The following LMLN variants were observed in gnomAD, a reference collection of about 807,000 sequenced individuals.
LMLN encodes leishmanolysin-like peptidase.
In LMLN, 70 loss-of-function variants were observed where a neutral mutation model predicts 92.3. The ratio of observed to expected loss-of-function variants is 0.76; its 90% CI spans 0.63 to 0.92. The LOEUF is 0.92. Among genes scored for constraint, LMLN ranks in the 40% least tolerant of loss-of-function variants. LMLN has a pLI of 0.00. For missense variants in LMLN, 691 were observed against 814.6 expected (o/e 0.85, Z 1.85); for synonymous variants, 308 against 296.2 (o/e 1.04, Z -0.41).
Position 197,982,485 on chromosome 3 carries a change from C to A in LMLN, c.729-1458C>A, listed in dbSNP as rs562001430. The stretch of plus-strand genomic sequence containing the variant: ...TGGTGATCCACCTGCCTTGGCCTCC[C>A]AAAGTGCTGGGATGACAGGCATGAG... On this transcript the variant is annotated intron_variant, in intron 6 of 15. Transcript: ENST00000330198. Among the ~76,000 whole-genome samples, 39 of 152,248 alleles carry A rather than the reference C, an allele frequency of 2.6e-4. No individual in the cohort carries two copies. In the South Asian group the frequency reaches 6.4e-3, roughly 25 times the overall value.
chr3:198,038,852 C>A (rs557380137), exon 16 of LMLN: 9 of 502,170 alleles, frequency 1.8e-5, no homozygotes, highest in African/African-American at 1.8e-4. Flanking sequence ...ATCAGCAACC[C>A]AACCACCTTC....
intron 11 of LMLN, among the ~76,000 whole-genome samples, chr3:198,007,944 G>A (rs1722336126): frequency 6.6e-6 from 1 of 152,166 alleles, no homozygotes; most frequent in African/African-American, 2.4e-5. Context: ...ATCATGAATG[G>A]ATATTGCCTT....
At chr3:197,990,384 T>A (rs929745229) in intron 8 of LMLN, among the ~76,000 whole-genome samples, 175 bp from the exon 9 acceptor site, 2 of 152,096 alleles carry the variant, frequency 1.3e-5, no homozygotes, top group South Asian at 4.1e-4. Flanking sequence ...TTTAAAAAAA[T>A]GTAGAAAGGA....
In LMLN at chr3:198,034,313, A is replaced by G. The variant is rs143464910; in HGVS notation, c.1657-1520A>G. Among the ~76,000 whole-genome samples the G allele has an allele frequency of 2.2e-3, 331 of 152,332 alleles. 1 individual carries two copies. The highest frequency in any genetic ancestry group is 3.4e-3 in the Admixed American group (52 of 15,302). On this transcript the variant is annotated intron_variant, in intron 14 of 15. Transcript: ENST00000330198. ...AAACAACTTTGAGGTTTTTTTTAAA[A>G]TAGTTAAAATTTTTGGCTGGGTGCG...
At chr3:198,013,425 C>T (rs1447271262) in intron 11 of LMLN, among the ~76,000 whole-genome samples, 14 of 105,596 alleles carry the variant, frequency 1.3e-4, no homozygotes, top group African/African-American at 4.6e-4. Flanking sequence ...GACTTCTCTC[C>T]ACCCTTCAGA....
chr3:198,016,530 G>A (rs1038575369), intron 11 of LMLN, among the ~76,000 whole-genome samples: 4 of 152,228 alleles, frequency 2.6e-5, no homozygotes, highest in Non-Finnish European at 4.4e-5. Context: ...GTGTGAGTTT[G>A]TTTTAATAAA....
At chr3:197,989,407 A>G (rs1357660059) in intron 8 of LMLN, among the ~76,000 whole-genome samples, 2 of 152,112 alleles carry the variant, frequency 1.3e-5, no homozygotes, top group Non-Finnish European at 2.9e-5. Context: ...ACTTTCTGGA[A>G]TTTATTTTTG....
At chr3:197,988,929 C>T (rs1721789405) in intron 8 of LMLN, among the ~76,000 whole-genome samples, 1 of 152,160 alleles carries the variant, frequency 6.6e-6, no homozygotes, top group Non-Finnish European at 1.5e-5. Context: ...GTGATTCGCC[C>T]ATCTCGGCCT....
At chr3:197,985,126 C>G (rs979223974) in intron 7 of LMLN, among the ~76,000 whole-genome samples, 3 of 152,066 alleles carry the variant, frequency 2.0e-5, no homozygotes, top group African/African-American at 7.2e-5. Context: ...GTTTATCTTC[C>G]CAGTAATTTT....
intron 14 of LMLN, among the ~76,000 whole-genome samples, chr3:198,033,803 C>T (rs901514743): frequency 1.1e-4 from 17 of 152,212 alleles, no homozygotes; most frequent in African/African-American, 3.4e-4. Context: ...GCGCCAAGCA[C>T]GGCGCTTGAT....
At chr3:198,008,208 T>G (rs936569889) in intron 11 of LMLN, among the ~76,000 whole-genome samples, 1 of 152,180 alleles carries the variant, frequency 6.6e-6, no homozygotes, top group Non-Finnish European at 1.5e-5. Context: ...TTTCCCCAAT[T>G]ATTTTACCTT....
At chr3:197,975,231 G>A (rs114157430) in intron 3 of LMLN, among the ~76,000 whole-genome samples, 159 bp downstream of exon 3, 143 of 152,326 alleles carry the variant, frequency 9.4e-4, no homozygotes, top group African/African-American at 3.3e-3. Context: ...TCTTTGTGAT[G>A]CTCTCATGAA....
intron 3 of LMLN, among the ~76,000 whole-genome samples, chr3:197,975,513 A>ACACACATG (rs989569837): frequency 6.6e-6 from 1 of 151,994 alleles, no homozygotes; most frequent in African/African-American, 2.4e-5. Flanking sequence ...ACGTGCACGC[A>ACACACATG]CACACATGCG....
Position 198,019,495 on chromosome 3 carries a change from G to T in LMLN, c.1365+110G>T. The T allele has an allele frequency of 3.6e-6, 4 of 1,101,194 alleles. No individual in the cohort carries two copies. The highest frequency in any genetic ancestry group is 3.9e-5 in the South Asian group (2 of 51,396). The allele number at this position is 1,101,194 out of a possible 1,614,324, so 68.2% of individuals were successfully genotyped here. On this transcript the variant is annotated intron_variant, in intron 12 of 15. Coordinates refer to ENST00000330198, the Ensembl canonical transcript of LMLN. The surrounding 1 kb of genome is among the most constrained non-coding windows in gnomAD (Gnocchi z 5.5). ...ATTCTTAATTTATAAGGCCTTGTTTGTTTTCTGTAAGTTAGAAAAAAATGG... is the reference window on the plus strand; with the variant it reads ...ATTCTTAATTTATAAGGCCTTGTTTTTTTTCTGTAAGTTAGAAAAAAATGG...
At chr3:198,014,464 C>T (rs1310520878) in intron 11 of LMLN, among the ~76,000 whole-genome samples, 6 of 134,372 alleles carry the variant, frequency 4.5e-5, no homozygotes, top group Non-Finnish European at 8.0e-5. Context: ...TTCTCTCCAC[C>T]CTTCAGAGCC....
chr3:198,021,449 T>C (rs760997499), exon 13 of LMLN: 1 of 1,613,752 alleles, frequency 6.2e-7, no homozygotes, highest in Admixed American at 1.7e-5. Flanking sequence ...TCTGCAGTAC[T>C]TTGATGAACT....
exon 16 of LMLN, chr3:198,039,598 C>G (rs993876560): frequency 1.3e-5 from 2 of 148,648 alleles, no homozygotes; most frequent in Admixed American, 1.3e-4. Context: ...GACCCTGTAT[C>G]TTAAAAAAAA....
intron 11 of LMLN, among the ~76,000 whole-genome samples, chr3:198,008,326 A>G (rs1194060147): frequency 6.6e-6 from 1 of 152,178 alleles, no homozygotes; most frequent in Non-Finnish European, 1.5e-5. Flanking sequence ...AGTAAGAGAG[A>G]TTTAAAAAAT....
intron 11 of LMLN, among the ~76,000 whole-genome samples, chr3:198,012,275 GGCTGGTCTTGAACTGCTGACCTCA>G (rs1344005507): frequency 1.3e-5 from 2 of 152,150 alleles, no homozygotes; most frequent in Admixed American, 1.3e-4. Flanking sequence ...CTGTTGACCA[GGCTGGTCTTGAACTGCTGACCTCA>G]GCTGATCTGC....
Sources: allele counts gnomAD v4.1 joint callset (sites outside exome capture counted in the v4.1 genomes callset), GRCh38; gene constraint gnomAD v4.1.1; non-coding constraint Gnocchi (gnomAD v3.1); transcripts MANE v1.5; gene names NCBI Gene and HGNC (gene_info 2026-07-23, HGNC 2026-07-21).